Variants in SLC8A3 observed in about 807,000 individuals in gnomAD.
SLC8A3 encodes the protein solute carrier family 8 member A3.
SLC8A3 carries 37 observed loss-of-function variants against 65.4 expected under a neutral mutation model. That is an observed-to-expected ratio of 0.57 (90% confidence interval 0.44 to 0.74). The LOEUF (loss-of-function observed/expected upper bound fraction) is 0.74. SLC8A3 is among the 30% of genes least tolerant of loss of function. The pLI is 0.00. For synonymous variants in SLC8A3, 461 were observed against 444.5 expected (o/e 1.04, Z -0.47); for missense variants, 1,112 against 1,172.1 (o/e 0.95, Z 0.75).
intron 2 of SLC8A3, among the ~76,000 whole-genome samples, chr14:70,148,684 G>A: frequency 6.6e-6 from 1 of 152,116 alleles, no homozygotes; most frequent in East Asian, 1.9e-4. Flanking sequence ...ACATAAAATT[G>A]CCGATATTAT....
rs552529840 is a variant in SLC8A3, at chr14:70,170,129, A to G, written c.-62-1645T>C. Among the ~76,000 whole-genome samples the G allele has an allele frequency of 1.1e-4, 16 of 152,288 alleles. No homozygotes were observed. The East Asian group carries it at 2.3e-3, about 22-fold the overall frequency. On this transcript the variant is annotated intron_variant, in intron 1 of 6. Transcript: ENST00000356921. ...AAAAAACAAACAAACAGACTTAAGCATATCGCTCCCCTGTTTGAAGCCCTT... is the reference window on the plus strand; with the variant it reads ...AAAAAACAAACAAACAGACTTAAGCGTATCGCTCCCCTGTTTGAAGCCCTT...
intron 2 of SLC8A3, among the ~76,000 whole-genome samples, chr14:70,133,389 C>G (rs999782826): frequency 2.6e-5 from 4 of 152,180 alleles, no homozygotes; most frequent in Non-Finnish European, 2.9e-5. Flanking sequence ...CAGCCACCTC[C>G]TCCTTCACTG....
At chr14:70,143,387 G>C (rs983186065) in intron 2 of SLC8A3, among the ~76,000 whole-genome samples, 3 of 152,184 alleles carry the variant, frequency 2.0e-5, no homozygotes, top group Non-Finnish European at 4.4e-5. Flanking sequence ...AGCCAGGCGT[G>C]CTTGGCTCCA....
intron 2 of SLC8A3, among the ~76,000 whole-genome samples, chr14:70,162,919 G>A (rs1229257560): frequency 6.6e-6 from 1 of 152,078 alleles, no homozygotes; most frequent in African/African-American, 2.4e-5. Flanking sequence ...AATCCTCAGT[G>A]GTACCACACA....
intron 2 of SLC8A3, among the ~76,000 whole-genome samples, chr14:70,093,746 A>G (rs1472733628): frequency 6.6e-6 from 1 of 152,152 alleles, no homozygotes; most frequent in Non-Finnish European, 1.5e-5. Flanking sequence ...TCAATTGTCA[A>G]ACAAAGCTTC....
At chr14:70,144,628 T>A (rs1365025065) in intron 2 of SLC8A3, among the ~76,000 whole-genome samples, 1 of 143,034 alleles carries the variant, frequency 7.0e-6, no homozygotes, top group Non-Finnish European at 1.5e-5. Context: ...AGACTCCACC[T>A]AAAAAAAAAA....
At chr14:70,171,301 C>T (rs1897516909) in intron 1 of SLC8A3, among the ~76,000 whole-genome samples, 1 of 152,188 alleles carries the variant, frequency 6.6e-6, no homozygotes, top group South Asian at 2.1e-4. Flanking sequence ...GTAGAATCAT[C>T]CTGATTAACA....
At chr14:70,164,063 T>C (rs1897033152) in intron 2 of SLC8A3, among the ~76,000 whole-genome samples, 1 of 152,182 alleles carries the variant, frequency 6.6e-6, no homozygotes, top group South Asian at 2.1e-4. Flanking sequence ...TTCGTCAATA[T>C]TACTATGAAG....
At chr14:70,143,705 G>T (rs575211266) in intron 2 of SLC8A3, among the ~76,000 whole-genome samples, 2 of 152,124 alleles carry the variant, frequency 1.3e-5, no homozygotes, top group Admixed American at 1.3e-4. Flanking sequence ...AGAATGGTTT[G>T]GTTGTGCACC....
At chr14:70,130,223 A>G (rs2140224917) in intron 2 of SLC8A3, among the ~76,000 whole-genome samples, 1 of 152,370 alleles carries the variant, frequency 6.6e-6, no homozygotes, top group East Asian at 1.9e-4. Context: ...CCGCCTATGC[A>G]TGCATTTTAG....
intron 1 of SLC8A3, among the ~76,000 whole-genome samples, chr14:70,173,924 T>C (rs187569174): frequency 6.6e-5 from 10 of 152,350 alleles, no homozygotes; most frequent in African/African-American, 2.4e-4. Context: ...GGAACTTGTA[T>C]CCAAGGAGGA....
chr14:70,070,058 G>T (rs1948125432), intron 2 of SLC8A3, among the ~76,000 whole-genome samples: 1 of 152,188 alleles, frequency 6.6e-6, no homozygotes, highest in Non-Finnish European at 1.5e-5. Context: ...GGGGGCTGGA[G>T]TCAAAGTCTA....
chr14:70,126,961 A>T (rs1894498323), intron 2 of SLC8A3, among the ~76,000 whole-genome samples: 1 of 152,064 alleles, frequency 6.6e-6, no homozygotes, highest in South Asian at 2.1e-4. Context: ...GGTAAGGAAT[A>T]CTCAACCTAT....
chr14:70,103,581 A>T (rs1028833222), intron 2 of SLC8A3, among the ~76,000 whole-genome samples: 16 of 152,078 alleles, frequency 1.1e-4, no homozygotes, highest in African/African-American at 3.9e-4. Flanking sequence ...GTACAATATG[A>T]TTTCTAAATT....
At chr14:70,132,790 G>C (rs1894930417) in intron 2 of SLC8A3, among the ~76,000 whole-genome samples, 1 of 152,192 alleles carries the variant, frequency 6.6e-6, no homozygotes, top group African/African-American at 2.4e-5. Context: ...AGGCAAGTGA[G>C]CTGAGACAGT....
At chr14:70,139,838 A>G (rs1895449232) in intron 2 of SLC8A3, among the ~76,000 whole-genome samples, 1 of 152,162 alleles carries the variant, frequency 6.6e-6, no homozygotes, top group Non-Finnish European at 1.5e-5. Context: ...GGAACTGAAT[A>G]CCATCTCCAA....
rs188064124 is a variant in SLC8A3, at chr14:70,183,359, G to A, written c.-63+5020C>T. ...CACCATATTATTTTTAAATACTCAC[G>A]TACATACACATGTGAGTCTCCTGTC... is the stretch of plus-strand genomic sequence containing the variant. On this transcript the variant is annotated intron_variant, in intron 1 of 6. Transcript: ENST00000356921. Among the ~76,000 whole-genome samples the A allele has an allele frequency of 8.3e-4, 126 of 152,172 alleles. 1 individual carries two copies. The highest frequency in any genetic ancestry group is 6.8e-3 in the Middle Eastern group (2 of 294).
chr14:70,179,473 G>A (rs116609627), intron 1 of SLC8A3, among the ~76,000 whole-genome samples: 2,021 of 152,288 alleles, frequency 0.013, 51 homozygotes, highest in African/African-American at 0.046. Flanking sequence ...CTCTACAGGA[G>A]TTTTCATTAA....
At chr14:70,119,010 G>A (rs1023503746) in intron 2 of SLC8A3, among the ~76,000 whole-genome samples, 7 of 152,196 alleles carry the variant, frequency 4.6e-5, no homozygotes, top group Middle Eastern at 6.8e-3. Context: ...CATACACCTC[G>A]AGCCCCTCAA....
Sources: allele counts gnomAD v4.1 joint callset (sites outside exome capture counted in the v4.1 genomes callset), GRCh38; gene constraint gnomAD v4.1.1; transcripts MANE v1.5; gene names NCBI Gene and HGNC (gene_info 2026-07-23, HGNC 2026-07-21).